MGAT4C: variants seen among roughly 807,000 people sequenced by gnomAD.
MGAT4C encodes the protein alpha-1,3-mannosyl-glycoprotein 4-beta-N-acetylglucosaminyltransferase C.
Under a neutral mutation model 40.1 loss-of-function variants are expected in MGAT4C, and 19 were observed. That is an observed-to-expected ratio of 0.47 (90% CI 0.33 to 0.70). MGAT4C has a LOEUF of 0.70. Among genes scored for constraint, MGAT4C ranks in the 30% least tolerant of loss-of-function variants. The pLI is 0.02. For synonymous variants in MGAT4C, 181 were observed against 187.1 expected, an observed-to-expected ratio of 0.97 and a Z score of 0.27; for missense variants, 491 against 563.2, an observed-to-expected ratio of 0.87 and a Z score of 1.30.
intron 1 of MGAT4C, among the ~76,000 whole-genome samples, chr12:86,224,415 A>T (rs1000183006): frequency 6.6e-6 from 1 of 152,144 alleles, no homozygotes; most frequent in African/African-American, 2.4e-5. Context: ...AAATCAATGA[A>T]AAAAAAGGGA....
intron 4 of MGAT4C, among the ~76,000 whole-genome samples, chr12:85,981,744 G>A (rs1318135808): frequency 2.0e-5 from 3 of 152,158 alleles, no homozygotes; most frequent in African/African-American, 7.2e-5. Context: ...GTGAGATGAG[G>A]TGACTCATGC....
chr12:86,066,072 A>G (rs1894511923), intron 1 of MGAT4C, among the ~76,000 whole-genome samples: 1 of 152,196 alleles, frequency 6.6e-6, no homozygotes, highest in Non-Finnish European at 1.5e-5. Flanking sequence ...ACACAAACAA[A>G]TGAAAAAACA....
chr12:86,692,466 A>C (rs1042571261), intron 2 of MGAT4C, among the ~76,000 whole-genome samples: 3 of 152,170 alleles, frequency 2.0e-5, no homozygotes, highest in Non-Finnish European at 1.5e-5. Context: ...TAAATGGAAA[A>C]TGTAAACTCA....
Position 86,762,836 on chromosome 12 carries a change from G to T in MGAT4C, c.-261-35595C>A, listed in dbSNP as rs370439715. 1.4e-4 allele frequency among the ~76,000 whole-genome samples: 22 copies of T among 152,208 alleles called. 2 individuals are homozygous for T. The East Asian group carries it at 2.7e-3, about 19-fold the overall frequency. On this transcript the variant is annotated intron_variant, in intron 1 of 7. Coordinates refer to the MGAT4C transcript ENST00000548651. ...AGGTTCAAAACAGACAAATAAAAGA[G>T]CCATATTGATGATGCTCAATGCTCC...
At chr12:86,073,403 C>A (rs1017778689) in intron 1 of MGAT4C, among the ~76,000 whole-genome samples, 1 of 152,076 alleles carries the variant, frequency 6.6e-6, no homozygotes, top group African/African-American at 2.4e-5. Flanking sequence ...TCTAAAGATA[C>A]CTGAAAATGT....
intron 2 of MGAT4C, among the ~76,000 whole-genome samples, chr12:86,473,354 C>A (rs1182763120): frequency 6.6e-6 from 1 of 152,176 alleles, no homozygotes; most frequent in Non-Finnish European, 1.5e-5. Flanking sequence ...CTCTGACAAA[C>A]CACTGCTGTG....
intron 1 of MGAT4C, among the ~76,000 whole-genome samples, chr12:86,233,445 C>T (rs1307111819): frequency 6.6e-6 from 1 of 152,194 alleles, no homozygotes; most frequent in African/African-American, 2.4e-5. Flanking sequence ...TCCGAAGGTG[C>T]AGCCTTTGAT....
intron 2 of MGAT4C, among the ~76,000 whole-genome samples, chr12:86,628,370 C>T (rs1485270547): frequency 6.6e-6 from 1 of 152,138 alleles, no homozygotes; most frequent in Admixed American, 6.6e-5. Flanking sequence ...AGTCAGGCCA[C>T]ATTCAAATTC....
Position 86,672,627 on chromosome 12 carries a change from G to A in MGAT4C, c.-229+54582C>T, listed in dbSNP as rs1030451. Among the ~76,000 whole-genome samples the A allele has an allele frequency of 6.4e-3, 974 of 152,190 alleles. 23 individuals are homozygous for A. The highest frequency in any genetic ancestry group is 0.05 in the Admixed American group (762 of 15,294). ...ACTACAGAAATTCAAAGGACCATTA[G>A]TGGATACTATGAGCGACTATATACC... On this transcript the variant is annotated intron_variant, in intron 2 of 7. Coordinates refer to the MGAT4C transcript ENST00000548651.
intron 3 of MGAT4C, among the ~76,000 whole-genome samples, chr12:86,355,457 C>G (rs1211218263): frequency 6.6e-6 from 1 of 152,198 alleles, no homozygotes; most frequent in East Asian, 1.9e-4. Flanking sequence ...TTTTATAATT[C>G]CAGAAAACAC....
At chr12:86,085,794 C>T (rs577489520) in intron 1 of MGAT4C, among the ~76,000 whole-genome samples, 4 of 151,966 alleles carry the variant, frequency 2.6e-5, no homozygotes, top group East Asian at 1.9e-4. Flanking sequence ...AGAAAAAGCT[C>T]GTAATCACTG....
chr12:86,702,578 C>T (rs9706283), intron 2 of MGAT4C, among the ~76,000 whole-genome samples: 1 of 152,112 alleles, frequency 6.6e-6, no homozygotes, highest in Non-Finnish European at 1.5e-5. Flanking sequence ...TCTGCATGTG[C>T]TGTATAAATG....
At position 86,716,477 on chromosome 12, in the gene MGAT4C, T is replaced by A. The variant is rs530779254; in HGVS notation, c.-229+10732A>T. ...TAGTATCTTGCCCTTGCAAAAAAGATAGTAACTTTAAAATGAAAAGCAGTA... is the reference window on the plus strand; with the variant it reads ...TAGTATCTTGCCCTTGCAAAAAAGAAAGTAACTTTAAAATGAAAAGCAGTA... On this transcript the variant is annotated intron_variant, in intron 2 of 7. Transcript: ENST00000548651. Among the ~76,000 whole-genome samples the A allele has an allele frequency of 2.6e-5, 4 of 152,180 alleles. No individual in the cohort carries two copies. In the South Asian group the frequency reaches 8.3e-4, roughly 32 times the overall value.
rs112277950 is a variant in MGAT4C at position 86,781,607 on chromosome 12, G to A, written c.-261-54366C>T. 3.3e-3 allele frequency among the ~76,000 whole-genome samples: 505 copies of A among 151,872 alleles called. 7 individuals carry two copies. The highest frequency in any genetic ancestry group is 0.012 in the African/African-American group (488 of 41,422). ...TTTTTATAATACTTATTTTGGACAA[G>A]GCACTTTTCTAGACACTTACGGTGG... On this transcript the variant is annotated intron_variant, in intron 1 of 7. Coordinates refer to the MGAT4C transcript ENST00000548651.
intron 2 of MGAT4C, among the ~76,000 whole-genome samples, chr12:86,454,342 C>A (rs1461283706): frequency 6.6e-6 from 1 of 152,190 alleles, no homozygotes; most frequent in African/African-American, 2.4e-5. Flanking sequence ...ATTCTCCCAC[C>A]TCAGCCTTTC....
At chr12:86,623,491 C>T (rs1367408297) in intron 2 of MGAT4C, among the ~76,000 whole-genome samples, 2 of 151,986 alleles carry the variant, frequency 1.3e-5, no homozygotes, top group East Asian at 1.9e-4. Context: ...CAGCAGACTT[C>T]TTGATGGAAA....
At chr12:86,516,990 T>C (rs1958701760) in intron 2 of MGAT4C, among the ~76,000 whole-genome samples, 1 of 152,072 alleles carries the variant, frequency 6.6e-6, no homozygotes, top group African/African-American at 2.4e-5. Context: ...CAAACCACAA[T>C]GAGATACCAT....
At chr12:86,474,182 T>C (rs552165033) in intron 2 of MGAT4C, among the ~76,000 whole-genome samples, 1 of 151,906 alleles carries the variant, frequency 6.6e-6, no homozygotes, top group South Asian at 2.1e-4. Context: ...CATGGAATAC[T>C]ATGCAGCCAT....
At chr12:86,546,010 CTA>C (rs1959191083) in intron 2 of MGAT4C, among the ~76,000 whole-genome samples, 2 of 151,912 alleles carry the variant, frequency 1.3e-5, no homozygotes, top group South Asian at 2.1e-4. Context: ...AGGTTATTTG[CTA>C]TGTTTCCTAC....
Sources: gnomAD v4.1 joint callset for allele counts (sites outside exome capture counted in the v4.1 genomes callset) on GRCh38, gnomAD v4.1.1 for gene constraint, MANE v1.5 for transcripts, NCBI Gene and HGNC (gene_info 2026-07-23, HGNC 2026-07-21) for gene names.